SLC14A2: variants seen among roughly 807,000 people sequenced by gnomAD.
SLC14A2 encodes solute carrier family 14 member 2, also known as urea transporter 2.
A neutral mutation model predicts 104.6 loss-of-function variants in SLC14A2; 91 were observed. The ratio of observed to expected loss-of-function variants is 0.87; its 90% CI spans 0.73 to 1.04. SLC14A2 has a LOEUF of 1.04. SLC14A2 is among the 50% of genes least tolerant of loss of function. SLC14A2 has a pLI of 0.00. For synonymous variants in SLC14A2, 476 were observed against 466.4 expected (o/e 1.02, Z -0.27); for missense variants, 1,189 against 1,156.0 (o/e 1.03, Z -0.41).
At chr18:45,555,457 A>G (rs2044119560) in intron 2 of SLC14A2, among the ~76,000 whole-genome samples, 1 of 152,218 alleles carries the variant, frequency 6.6e-6, no homozygotes, top group South Asian at 2.1e-4. Flanking sequence ...CAAAAATATA[A>G]GTTGGGGAGC....
chr18:45,179,848 TA>T, the SLC14A2 span: 548 of 143,414 alleles, frequency 3.8e-3, 1 homozygote, highest in East Asian at 0.02. Context: ...AGAGCAGATC[TA>T]AAAAAAAAAA....
In SLC14A2 at chr18:45,624,306, C is replaced by T. The variant is rs75872658; in HGVS notation, c.-34-325C>T. On this transcript the variant is annotated intron_variant, in intron 1 of 19. Transcript: ENST00000255226. ...GGGAACATACGTGTACCACTAACTA[C>T]CACAATAGGACGGCACAGCAGGCAA... Among the ~76,000 whole-genome samples the T allele has an allele frequency of 6.0e-4, 91 of 152,300 alleles. 4 individuals are homozygous for T. The East Asian group carries it at 0.016, about 27-fold the overall frequency.
chr18:45,276,780 A>G (rs1374756170), intron 1 of SLC14A2, among the ~76,000 whole-genome samples: 1 of 152,232 alleles, frequency 6.6e-6, no homozygotes, highest in African/African-American at 2.4e-5. Flanking sequence ...CCTCCAATGC[A>G]AAACTGAATT....
At chr18:45,612,506 A>G (rs1423624836), upstream of SLC14A2, among the ~76,000 whole-genome samples, 1 of 152,236 alleles carries the variant, frequency 6.6e-6, no homozygotes, top group Admixed American at 6.5e-5. Context: ...AAAATCGCTA[A>G]TGTTTATTAG....
intron 2 of SLC14A2, among the ~76,000 whole-genome samples, chr18:45,504,704 T>C (rs1239530422): frequency 5.3e-5 from 8 of 152,214 alleles, no homozygotes; most frequent in Non-Finnish European, 1.2e-4. Flanking sequence ...CTGGCAGCAC[T>C]AGCCTGTGGA....
chr18:45,432,276 A>C (rs568299718), intron 1 of SLC14A2, among the ~76,000 whole-genome samples: 1 of 152,216 alleles, frequency 6.6e-6, no homozygotes, highest in Non-Finnish European at 1.5e-5. Context: ...ACTCCTGTGC[A>C]GAATGATAAG....
intron 2 of SLC14A2, among the ~76,000 whole-genome samples, chr18:45,580,329 C>A (rs946352172): frequency 7.9e-5 from 12 of 152,194 alleles, no homozygotes; most frequent in Non-Finnish European, 1.8e-4. Context: ...GTCAGCAGAT[C>A]TGTCTTAGCT....
intron 10 of SLC14A2, among the ~76,000 whole-genome samples, chr18:45,659,315 G>T (rs2045895308): frequency 6.6e-6 from 1 of 152,150 alleles, no homozygotes; most frequent in Non-Finnish European, 1.5e-5. Flanking sequence ...GGAGGTGAGG[G>T]GGTGGCAAAA....
chr18:45,257,441 C>G (rs1186995848), intron 1 of SLC14A2, among the ~76,000 whole-genome samples: 1 of 152,176 alleles, frequency 6.6e-6, no homozygotes, highest in Non-Finnish European at 1.5e-5. Context: ...TATGCTAATT[C>G]TTAAGTTCTT....
intron 2 of SLC14A2, among the ~76,000 whole-genome samples, chr18:45,576,848 A>G (rs1488792881): frequency 6.6e-6 from 1 of 152,204 alleles, no homozygotes; most frequent in African/African-American, 2.4e-5. Context: ...GGGGAGCCAC[A>G]TGGGAAACAC....
chr18:45,532,260 G>A (rs913317602), intron 2 of SLC14A2, among the ~76,000 whole-genome samples: 4 of 152,060 alleles, frequency 2.6e-5, no homozygotes, highest in African/African-American at 4.8e-5. Context: ...AGCTTGATGG[G>A]GATGGCATTG....
intron 1 of SLC14A2, among the ~76,000 whole-genome samples, chr18:45,410,447 G>A (rs555341556): frequency 7.5e-4 from 114 of 152,158 alleles, no homozygotes; most frequent in African/African-American, 1.2e-3. Flanking sequence ...CTAAATATGC[G>A]TTACTGCCTA....
the SLC14A2 span, among the ~76,000 whole-genome samples, chr18:45,199,334 T>C: frequency 1.3e-5 from 2 of 152,168 alleles, no homozygotes; most frequent in African/African-American, 2.4e-5. Flanking sequence ...TCCCAATTAT[T>C]TGTATTTTTT....
rs140639495 is a variant in SLC14A2 at position 45,599,729 on chromosome 18, G to A, written c.-34-24902G>A. ...ACACTACTGATAAAGATATACCTGAGACTGGGCAATTTACAAAAGAAAGAG... is the reference window on the plus strand; with the variant it reads ...ACACTACTGATAAAGATATACCTGAAACTGGGCAATTTACAAAAGAAAGAG... On this transcript the variant is annotated intron_variant, in intron 2 of 20. Coordinates refer to the SLC14A2 transcript ENST00000586448. Among the ~76,000 whole-genome samples, 467 of 152,326 alleles carry A rather than the reference G, an allele frequency of 3.1e-3. 15 individuals carry two copies. The highest frequency in any genetic ancestry group is 0.027 in the Admixed American group (409 of 15,306).
chr18:45,475,024 A>G (rs968968113), intron 1 of SLC14A2, among the ~76,000 whole-genome samples: 7 of 152,150 alleles, frequency 4.6e-5, no homozygotes, highest in Non-Finnish European at 2.9e-5. Flanking sequence ...TAATGCTATA[A>G]ATTTCCCTTT....
chr18:45,456,515 T>G (rs182691456), intron 1 of SLC14A2, among the ~76,000 whole-genome samples: 2 of 152,256 alleles, frequency 1.3e-5, no homozygotes, highest in Admixed American at 6.5e-5. Context: ...TGTCTGCACC[T>G]CCCATCTGCT....
chr18:45,590,774 G>A (rs1241827994), intron 2 of SLC14A2, among the ~76,000 whole-genome samples: 1 of 152,232 alleles, frequency 6.6e-6, no homozygotes, highest in Non-Finnish European at 1.5e-5. Flanking sequence ...AATTATCAGA[G>A]TAAAAGCTGA....
intron 10 of SLC14A2, among the ~76,000 whole-genome samples, chr18:45,653,782 C>T (rs1447007581): frequency 6.6e-6 from 1 of 152,126 alleles, no homozygotes; most frequent in African/African-American, 2.4e-5. Context: ...AGAAAGGCAG[C>T]ATCTAGTATT....
At chr18:45,630,857 T>G (rs1448064600) in intron 4 of SLC14A2, among the ~76,000 whole-genome samples, 1 of 152,206 alleles carries the variant, frequency 6.6e-6, no homozygotes, top group Non-Finnish European at 1.5e-5. Context: ...GCTTGTCCTG[T>G]GTCCAGTACA....
Sources: gnomAD v4.1 joint callset for allele counts (sites outside exome capture counted in the v4.1 genomes callset) on GRCh38, gnomAD v4.1.1 for gene constraint, MANE v1.5 for transcripts, NCBI Gene and HGNC (gene_info 2026-07-23, HGNC 2026-07-21) for gene names.